Variants in NBPF12 observed in about 807,000 individuals in gnomAD.
The protein encoded by NBPF12 is NBPF member 12.
NBPF12 carries 115 observed loss-of-function variants against 146.4 expected under a neutral mutation model. That is an observed-to-expected ratio of 0.79 (90% CI 0.68 to 0.92). NBPF12 has a LOEUF of 0.92. Ranked by LOEUF, NBPF12 falls within the 40% of genes least tolerant of loss-of-function variation. The probability of loss-of-function intolerance (pLI) is 0.00; values close to 1 mark genes in which losing one functional copy is unlikely to be tolerated. For missense variants in NBPF12, 1,205 were observed against 1,326.8 expected (o/e 0.91, Z 1.43); for synonymous variants, 385 against 508.9 (o/e 0.76, Z 3.28).
At chr1:146,972,871 C>A (rs1656744892) in exon 14 of NBPF12, 3 of 1,199,832 alleles carry the variant, frequency 2.5e-6, no homozygotes, top group Non-Finnish European at 3.7e-6. Context: ...CCCCAGCTGG[C>A]AGAGAAGAAA....
intron 30 of NBPF12, among the ~76,000 whole-genome samples, chr1:146,991,587 T>C (rs1381658653): frequency 6.6e-6 from 1 of 152,192 alleles, no homozygotes; most frequent in Non-Finnish European, 1.5e-5. Flanking sequence ...ACTCAAGGGT[T>C]TGTAGATTTC....
At chr1:146,968,627 T>A in intron 10 of NBPF12, 77 bp downstream of exon 13, 1 of 1,345,422 alleles carries the variant, frequency 7.4e-7, no homozygotes. Context: ...TGGGGAGACT[T>A]AAGAGCTAAG....
intron 16 of NBPF12, among the ~76,000 whole-genome samples, chr1:146,976,723 C>G (rs1657058219): frequency 2.6e-5 from 4 of 151,502 alleles, no homozygotes; most frequent in Non-Finnish European, 5.9e-5. Context: ...TTGGCCACAT[C>G]TTGATGGTGG....
At chr1:146,981,840 G>A (rs1411209603) in intron 19 of NBPF12, among the ~76,000 whole-genome samples, 1 of 150,124 alleles carries the variant, frequency 6.7e-6, no homozygotes, top group Non-Finnish European at 1.5e-5. Flanking sequence ...GCACTTGATC[G>A]AATTGGCTAC....
exon 9 of NBPF12, chr1:146,966,536 C>A: frequency 6.8e-7 from 1 of 1,464,184 alleles, no homozygotes; most frequent in South Asian, 1.1e-5. Flanking sequence ...AGCGAGAAGG[C>A]AGAGATGAAC....
chr1:146,977,433 C>T, intron 17 of NBPF12, 33 bp from the exon 21 acceptor site: 1 of 925,818 alleles, frequency 1.1e-6, no homozygotes, highest in Admixed American at 2.0e-5. Flanking sequence ...TGTGTTTAAT[C>T]TTCTGTCATC....
Position 146,992,462 on chromosome 1 carries a change from CTGTGTGTGTGTGTGTGTGTGTGTG to C in NBPF12, c.3849-222_3849-199del, listed in dbSNP as rs1163182082. Among the ~76,000 whole-genome samples, 26 of 66,238 alleles carry C rather than the reference CTGTGTGTGTGTGTGTGTGTGTGTG, an allele frequency of 3.9e-4. No individual in the cohort carries two copies. In the East Asian group the frequency reaches 4.4e-3, roughly 11 times the overall value. 43.5% of individuals were successfully genotyped at this position (66,238 alleles called of 152,430 possible). ...TCTCTCTCTCTCTCTCTCTCTCTCT[CTGTGTGTGTGTGTGTGTGTGTGTG>C]TGTGTGTGTGTGTGTGTGTGTGTGT... On this transcript the variant is annotated intron_variant, in intron 31 of 33. Transcript: ENST00000617844.
chr1:146,966,482 C>T (rs1326965107), exon 9 of NBPF12: 5 of 1,406,666 alleles, frequency 3.6e-6, no homozygotes, highest in Non-Finnish European at 4.0e-6. Flanking sequence ...CCCACCTCTT[C>T]TGCCACAAAC....
chr1:146,992,462 C>CTCTCTCTCTCTGTGTGTG (rs1450490306), intron 31 of NBPF12, among the ~76,000 whole-genome samples: 2 of 66,270 alleles, frequency 3.0e-5, no homozygotes, highest in Admixed American at 1.8e-4. Flanking sequence ...CTCTCTCTCT[C>CTCTCTCTCTCTGTGTGTG]TGTGTGTGTG....
chr1:146,938,538 G>A (rs1284079366), upstream of NBPF12, among the ~76,000 whole-genome samples: 1 of 152,144 alleles, frequency 6.6e-6, no homozygotes, highest in African/African-American at 2.4e-5. Flanking sequence ...GCTGCGCTCC[G>A]TCCTCCATTA....
upstream of NBPF12, among the ~76,000 whole-genome samples, chr1:146,945,821 G>A (rs1418993649): frequency 0.017 from 2,532 of 151,604 alleles, 83 homozygotes; most frequent in African/African-American, 0.059. Flanking sequence ...CATAGTTTAC[G>A]TTAGAGTTCA....
intron 7 of NBPF12, among the ~76,000 whole-genome samples, chr1:146,964,668 G>T (rs1314028433): frequency 5.3e-5 from 8 of 151,926 alleles, no homozygotes; most frequent in Non-Finnish European, 1.2e-4. Context: ...GCTCCTATCT[G>T]TCCAGTGCAC....
upstream of NBPF12, among the ~76,000 whole-genome samples, chr1:146,946,735 G>T (rs1655093094): frequency 6.7e-6 from 1 of 149,582 alleles, no homozygotes; most frequent in African/African-American, 2.5e-5. Flanking sequence ...TGTGCTTTTG[G>T]TTTTGTATTT....
At position 146,967,059 on chromosome 1, in the gene NBPF12, C is replaced by T. The variant is rs1223493402; in HGVS notation, c.988+386C>T. 5.3e-4 allele frequency among the ~76,000 whole-genome samples: 80 copies of T among 150,658 alleles called. 1 individual carries two copies. Among genetic ancestry groups the T allele is most frequent in the African/African-American group, 1.5e-3 (60 of 40,044 alleles). The stretch of plus-strand genomic sequence containing the variant: ...TGAGACTAGTGAACTTTTATTCAGT[C>T]CAAGTTTCTGTTGAGGCCCAATACG... On this transcript the variant is annotated intron_variant, in intron 9 of 33. Transcript: ENST00000617844.
rs1167798600 is a variant in NBPF12, at chr1:146,957,985, G to GTA, written c.-183-1873_-183-1872insAT. 6.3e-4 allele frequency among the ~76,000 whole-genome samples: 73 copies of GTA among 116,254 alleles called. 1 individual carries two copies. The highest frequency in any genetic ancestry group is 2.0e-3 in the African/African-American group (62 of 31,278). 76.3% of individuals were successfully genotyped at this position (116,254 alleles called of 152,430 possible). A position where few individuals can be genotyped will look rare whatever the true frequency, so the allele number is the denominator to read the frequency against. ...TACGTGTATACATGTATATATGTGT[G>GTA]TGTATATATATATATACATGTGTAT... is the stretch of plus-strand genomic sequence containing the variant. On this transcript the variant is annotated intron_variant, in intron 2 of 33. Transcript: ENST00000617844.
intron 12 of NBPF12, 105 bp downstream of exon 15, chr1:146,970,824 T>C: frequency 9.1e-7 from 1 of 1,093,550 alleles, no homozygotes; most frequent in Non-Finnish European, 1.4e-6. Flanking sequence ...CCGCATTCCC[T>C]TGGCCACAGT....
At chr1:146,990,884 C>T (rs1169694862) in intron 29 of NBPF12, among the ~76,000 whole-genome samples, 1 of 95,852 alleles carries the variant, frequency 1.0e-5, no homozygotes, top group Non-Finnish European at 1.9e-5. Flanking sequence ...GGCCAATTCG[C>T]TGAGCTCACT....
intron 13 of NBPF12, among the ~76,000 whole-genome samples, chr1:146,972,543 G>A (rs1477006400): frequency 6.6e-6 from 1 of 151,680 alleles, no homozygotes; most frequent in Admixed American, 6.6e-5. Flanking sequence ...AAGTGTAGAA[G>A]TGTTTATGTC....
upstream of NBPF12, chr1:146,938,633 A>C (rs1200467953): frequency 6.7e-6 from 1 of 149,314 alleles, no homozygotes; most frequent in African/African-American, 2.5e-5. Flanking sequence ...TCCGTCCTCC[A>C]TTACTCCTTT....
Sources: allele counts gnomAD v4.1 joint callset (sites outside exome capture counted in the v4.1 genomes callset), GRCh38; gene constraint gnomAD v4.1.1; transcripts MANE v1.5; gene names NCBI Gene and HGNC (gene_info 2026-07-23, HGNC 2026-07-21).